Variants in METTL15 observed in about 807,000 individuals in gnomAD.
METTL15 encodes 12S rRNA N(4)-cytidine methyltransferase METTL15.
METTL15 carries 34 observed loss-of-function variants against 38.3 expected under a neutral mutation model. The observed-to-expected ratio is 0.89, with a 90% CI of 0.68 to 1.18. METTL15 has a LOEUF of 1.18. Among genes scored for constraint, METTL15 ranks in the 50% most tolerant of loss-of-function variants. The pLI, the probability that METTL15 is intolerant of heterozygous loss-of-function variation, is 0.00. For missense variants in METTL15, 438 were observed against 498.4 expected (o/e 0.88, Z 1.15); for synonymous variants, 162 against 170.9 (o/e 0.95, Z 0.41).
intron 4 of METTL15, among the ~76,000 whole-genome samples, chr11:28,262,347 A>G (rs1435678103): frequency 6.6e-6 from 1 of 150,976 alleles, no homozygotes; most frequent in Non-Finnish European, 1.5e-5. Context: ...AGATATATAC[A>G]CTATATAACT....
chr11:28,189,267 T>A (rs1014651021), intron 3 of METTL15, among the ~76,000 whole-genome samples: 11 of 151,442 alleles, frequency 7.3e-5, no homozygotes, highest in South Asian at 4.1e-4. Flanking sequence ...CACTACTAAT[T>A]TGAACTACAA....
chr11:28,483,228 G>A (rs1352215908), intron 6 of METTL15, among the ~76,000 whole-genome samples: 5 of 152,092 alleles, frequency 3.3e-5, no homozygotes, highest in Admixed American at 2.6e-4. Context: ...CCTGGCATTC[G>A]ACAAGACGAC....
chr11:28,341,506 T>C (rs1308358446), intron 3 of METTL15, among the ~76,000 whole-genome samples: 2 of 152,180 alleles, frequency 1.3e-5, no homozygotes, highest in African/African-American at 2.4e-5. Flanking sequence ...TTCAGTATTA[T>C]TTTGAAAGAG....
chr11:28,500,041 A>G (rs574635552), intron 6 of METTL15, among the ~76,000 whole-genome samples: 1 of 151,154 alleles, frequency 6.6e-6, no homozygotes, highest in Non-Finnish European at 1.5e-5. Flanking sequence ...CAAATCCATA[A>G]TATGTGGGTC....
chr11:28,267,395 A>G (rs1041671004), intron 4 of METTL15, among the ~76,000 whole-genome samples: 2 of 152,132 alleles, frequency 1.3e-5, no homozygotes, highest in African/African-American at 2.4e-5. Context: ...ATTTGCTGAG[A>G]CATTACCTGC....
exon 5 of METTL15, chr11:28,361,947 C>G (rs1850143240): frequency 6.6e-6 from 1 of 152,134 alleles, no homozygotes; most frequent in Admixed American, 6.6e-5. Context: ...GCATTTTCCC[C>G]CAATAAACTA....
chr11:28,336,833 G>T (rs749562732), downstream of METTL15, among the ~76,000 whole-genome samples: 7 of 152,090 alleles, frequency 4.6e-5, no homozygotes, highest in Non-Finnish European at 1.0e-4. Flanking sequence ...ATTTTAGAGT[G>T]TACTCCTTGT....
At chr11:28,281,762 T>G (rs1316410393) in intron 4 of METTL15, among the ~76,000 whole-genome samples, 3 of 152,182 alleles carry the variant, frequency 2.0e-5, no homozygotes, top group Non-Finnish European at 4.4e-5. Context: ...ATTTGTTGTT[T>G]GTTTTTATAG....
chr11:28,296,699 G>A (rs1038935443), intron 5 of METTL15, 54 bp from the exon 6 acceptor site: 64 of 1,589,134 alleles, frequency 4.0e-5, no homozygotes, highest in African/African-American at 2.3e-4. Context: ...GAAGTTTCAC[G>A]TCTTGTCAAT....
intron 4 of METTL15, among the ~76,000 whole-genome samples, chr11:28,256,757 G>T (rs1432365065): frequency 6.6e-6 from 1 of 151,364 alleles, no homozygotes; most frequent in Non-Finnish European, 1.5e-5. Flanking sequence ...GGTTTGCTTT[G>T]TCCATGCTTT....
chr11:28,368,035 C>CA (rs1430227026), intron 5 of METTL15, among the ~76,000 whole-genome samples: 9 of 135,396 alleles, frequency 6.6e-5, no homozygotes. Flanking sequence ...TAGGCATGGG[C>CA]AAAGATTTCA....
chr11:28,334,880 C>T (rs1849886796), downstream of METTL15, among the ~76,000 whole-genome samples: 2 of 152,066 alleles, frequency 1.3e-5, no homozygotes, highest in African/African-American at 4.8e-5. Flanking sequence ...TTTTGGCCAC[C>T]TCACTTCCTT....
At chr11:28,299,533 T>C (rs537810129) in intron 6 of METTL15, among the ~76,000 whole-genome samples, 3 of 152,260 alleles carry the variant, frequency 2.0e-5, no homozygotes, top group African/African-American at 7.2e-5. Context: ...TGCACAGCTC[T>C]CTTGATGGGA....
At chr11:28,178,696 C>G (rs1260050161) in intron 3 of METTL15, among the ~76,000 whole-genome samples, 2 of 151,694 alleles carry the variant, frequency 1.3e-5, no homozygotes, top group Non-Finnish European at 1.5e-5. Context: ...TTAATAGTCC[C>G]ATTTTTCAAA....
intron 6 of METTL15, among the ~76,000 whole-genome samples, chr11:28,320,412 T>C (rs1849425129): frequency 6.6e-6 from 1 of 151,896 alleles, no homozygotes; most frequent in African/African-American, 2.4e-5. Flanking sequence ...ATTTAAAAAT[T>C]AGCTGGGTGT....
intron 6 of METTL15, among the ~76,000 whole-genome samples, chr11:28,309,613 A>G (rs1255203981): frequency 6.6e-6 from 1 of 152,074 alleles, no homozygotes; most frequent in Non-Finnish European, 1.5e-5. Context: ...CCTAAGTCTG[A>G]TTTCTCTTTT....
At chr11:28,268,970 C>A (rs189753960) in intron 4 of METTL15, among the ~76,000 whole-genome samples, 4 of 152,216 alleles carry the variant, frequency 2.6e-5, no homozygotes, top group Non-Finnish European at 5.9e-5. Flanking sequence ...GCATCTTAAA[C>A]CACCAGGTAC....
chr11:28,403,605 A>G (rs952677421), intron 5 of METTL15, among the ~76,000 whole-genome samples: 1 of 151,998 alleles, frequency 6.6e-6, no homozygotes, highest in Non-Finnish European at 1.5e-5. Context: ...ATATTGCCCA[A>G]TTATCCCATG....
intron 6 of METTL15, among the ~76,000 whole-genome samples, chr11:28,476,930 A>G (rs1157757900): frequency 1.3e-5 from 2 of 152,208 alleles, no homozygotes; most frequent in Non-Finnish European, 2.9e-5. Context: ...CAAAGTTGTG[A>G]GTAATTTAAA....
Sources: gnomAD v4.1 joint callset for allele counts (sites outside exome capture counted in the v4.1 genomes callset) on GRCh38, gnomAD v4.1.1 for gene constraint, MANE v1.5 for transcripts, NCBI Gene and HGNC (gene_info 2026-07-23, HGNC 2026-07-21) for gene names.